WDR7: variants seen among roughly 807,000 people sequenced by gnomAD.
WDR7 encodes WD repeat domain 7.
WDR7 carries 46 observed loss-of-function variants against 169.4 expected under a neutral mutation model. The ratio of observed to expected loss-of-function variants is 0.27; its 90% confidence interval spans 0.21 to 0.35. The LOEUF (loss-of-function observed/expected upper bound fraction) is 0.35. Ranked by LOEUF, WDR7 falls within the 10% of genes least tolerant of loss-of-function variation. The pLI, the probability that WDR7 is intolerant of heterozygous loss-of-function variation, is 1.00. For synonymous variants in WDR7, 612 were observed against 666.8 expected (o/e 0.92, Z 1.27); for missense variants, 1,534 against 1,859.3 (o/e 0.83, Z 3.22).
intron 12 of WDR7, among the ~76,000 whole-genome samples, chr18:56,716,762 T>G (rs2026201046): frequency 6.6e-6 from 1 of 152,138 alleles, no homozygotes; most frequent in Non-Finnish European, 1.5e-5. Context: ...TGGTGTTGTA[T>G]CCCCTTAAAG....
chr18:56,889,075 G>C (rs961039332), intron 21 of WDR7, among the ~76,000 whole-genome samples: 2 of 152,124 alleles, frequency 1.3e-5, no homozygotes, highest in African/African-American at 4.8e-5. Flanking sequence ...TGTAACTTTG[G>C]ATAAGGCAGC....
chr18:56,941,184 C>T (rs2047031368), intron 25 of WDR7, among the ~76,000 whole-genome samples: 1 of 152,092 alleles, frequency 6.6e-6, no homozygotes, highest in African/African-American at 2.4e-5. Context: ...ATTCCAGCTT[C>T]TTCCTATGCT....
chr18:56,853,043 G>A (rs2045665851), intron 20 of WDR7, among the ~76,000 whole-genome samples: 1 of 152,154 alleles, frequency 6.6e-6, no homozygotes, highest in Admixed American at 6.5e-5. Flanking sequence ...GGAAATGAAG[G>A]ATTCAGGCAA....
At chr18:56,851,883 T>C (rs1265813745) in intron 20 of WDR7, among the ~76,000 whole-genome samples, 1 of 152,230 alleles carries the variant, frequency 6.6e-6, no homozygotes, top group Non-Finnish European at 1.5e-5. Flanking sequence ...AGAAAATGCT[T>C]ATAAAGTATG....
chr18:56,710,069 T>A (rs2026052778), intron 12 of WDR7, among the ~76,000 whole-genome samples: 1 of 146,004 alleles, frequency 6.8e-6, no homozygotes, highest in African/African-American at 2.6e-5. Flanking sequence ...AGTGGCGCAA[T>A]CTCGTCTCAC....
At chr18:56,966,255 A>AT (rs2047407579) in intron 26 of WDR7, among the ~76,000 whole-genome samples, 2 of 151,882 alleles carry the variant, frequency 1.3e-5, no homozygotes, top group Non-Finnish European at 2.9e-5. Context: ...CTATACGTGG[A>AT]TTTTTTTCAA....
At position 56,741,349 on chromosome 18, in the gene WDR7, C is replaced by G. The variant is rs565043941; in HGVS notation, c.1989+9752C>G. On this transcript the variant is annotated intron_variant, in intron 14 of 27. Transcript: ENST00000254442. ...CTCTTGAAAACCAATCCAAAATAAT[C>G]TTTTGTCATTTTTATCTCCTTCTGA... 3.9e-5 allele frequency among the ~76,000 whole-genome samples: 6 copies of G among 152,238 alleles called. No individual in the cohort carries two copies. In the East Asian group the frequency reaches 9.7e-4, roughly 25 times the overall value.
rs748934845 is a variant in WDR7 at position 56,924,128 on chromosome 18, A to C, written c.3713+20A>C. 1.2e-6 allele frequency: 2 copies of C among 1,605,708 alleles called. No homozygotes were observed. The highest frequency in any genetic ancestry group is 1.7e-6 in the Non-Finnish European group (2 of 1,177,742). ...TGCCAAGTATGTGTGGATTCCGGTTAATTTAATTTGTCACTGTTTTTTGTT... is the reference window on the plus strand; with the variant it reads ...TGCCAAGTATGTGTGGATTCCGGTTCATTTAATTTGTCACTGTTTTTTGTT... On this transcript the variant is annotated intron_variant, in intron 22 of 27. Transcript: ENST00000254442.
chr18:56,748,296 G>C (rs2043735825), intron 14 of WDR7, among the ~76,000 whole-genome samples: 2 of 152,152 alleles, frequency 1.3e-5, no homozygotes, highest in African/African-American at 4.8e-5. Context: ...TACAATGGAG[G>C]AACACTCCTG....
intron 21 of WDR7, among the ~76,000 whole-genome samples, chr18:56,903,088 A>G (rs1420127076): frequency 2.6e-5 from 4 of 152,164 alleles, no homozygotes; most frequent in African/African-American, 9.7e-5. Flanking sequence ...TTGTGTATTA[A>G]TGCCTTGGGT....
intron 19 of WDR7, among the ~76,000 whole-genome samples, chr18:56,793,732 A>G (rs2145126470): frequency 6.6e-6 from 1 of 152,336 alleles, no homozygotes; most frequent in East Asian, 1.9e-4. Context: ...CTTGAAGTTT[A>G]TCATTGAAAC....
chr18:56,653,090 T>C (rs1312642151), intron 1 of WDR7, among the ~76,000 whole-genome samples: 1 of 152,210 alleles, frequency 6.6e-6, no homozygotes, highest in Non-Finnish European at 1.5e-5. Context: ...AGTGGTGTGA[T>C]GTTTATTAGA....
intron 20 of WDR7, among the ~76,000 whole-genome samples, chr18:56,873,197 A>G (rs1220653425): frequency 6.6e-6 from 1 of 152,222 alleles, no homozygotes; most frequent in Non-Finnish European, 1.5e-5. Flanking sequence ...TACATACTGT[A>G]GAATTTCAGC....
At chr18:56,968,554 G>C (rs1171614083) in intron 26 of WDR7, among the ~76,000 whole-genome samples, 1 of 152,164 alleles carries the variant, frequency 6.6e-6, no homozygotes, top group Non-Finnish European at 1.5e-5. Flanking sequence ...TTACAGGCCT[G>C]ACATAGGCCA....
Position 56,780,912 on chromosome 18 carries a change from G to T in WDR7, c.3067-621G>T, listed in dbSNP as rs983198523. Among the ~76,000 whole-genome samples the T allele has an allele frequency of 4.6e-5, 7 of 152,292 alleles. 1 individual carries two copies. The highest frequency in any genetic ancestry group is 4.6e-4 in the Admixed American group (7 of 15,302). ...AAATTAAAACTGCAAAATAAAATTT[G>T]TATGCTACATTGAAAGAAAAATATA... On this transcript the variant is annotated intron_variant, in intron 18 of 27. Coordinates refer to ENST00000254442, the MANE Select transcript of WDR7 (RefSeq NM_015285.3).
At position 56,696,230 on chromosome 18, in the gene WDR7, C is replaced by T; in HGVS notation, c.1358-12C>T. The T allele has an allele frequency of 6.3e-7, 1 of 1,587,402 alleles. No homozygotes were observed. Among genetic ancestry groups the T allele is most frequent in the South Asian group, 1.1e-5 (1 of 87,022 alleles). ...TAATTTTCCCATTTTAAATCCAAAC[C>T]CTCATTCACAGGTTGGCCACCTCAC... On this transcript the variant is annotated splice_polypyrimidine_tract_variant and intron_variant, in intron 11 of 27. Transcript: ENST00000254442.
At chr18:56,835,583 A>T (rs967204218) in intron 20 of WDR7, among the ~76,000 whole-genome samples, 2 of 152,220 alleles carry the variant, frequency 1.3e-5, no homozygotes, top group African/African-American at 4.8e-5. Context: ...ATATGTAAGT[A>T]TCTGGTCAAG....
At chr18:57,031,675 ATTTTG>A (rs1318278939), downstream of WDR7, 4 of 152,300 alleles carry the variant, frequency 2.6e-5, no homozygotes, top group East Asian at 7.7e-4. Context: ...GGAAATTTTT[ATTTTG>A]TTTTGTTTCA....
intron 27 of WDR7, among the ~76,000 whole-genome samples, chr18:57,023,441 C>T (rs916354590): frequency 6.6e-6 from 1 of 152,168 alleles, no homozygotes; most frequent in African/African-American, 2.4e-5. Flanking sequence ...GATAATTACT[C>T]AAGTGAGACT....
Sources: allele counts gnomAD v4.1 joint callset (sites outside exome capture counted in the v4.1 genomes callset), GRCh38; gene constraint gnomAD v4.1.1; transcripts MANE v1.5; gene names NCBI Gene and HGNC (gene_info 2026-07-23, HGNC 2026-07-21).